Variants in WWC2 observed in about 807,000 individuals in gnomAD.
WWC2 encodes the protein protein WWC2.
In WWC2, 101 loss-of-function variants were observed where a neutral mutation model predicts 138.5. The ratio of observed to expected loss-of-function variants is 0.73; its 90% CI spans 0.62 to 0.86. The LOEUF is 0.86. WWC2 is among the 40% of genes least tolerant of loss of function. The probability of loss-of-function intolerance (pLI) is 0.00; values close to 1 mark genes in which losing one functional copy is unlikely to be tolerated. For synonymous variants in WWC2, 558 were observed against 538.4 expected (o/e 1.04, Z -0.50); for missense variants, 1,420 against 1,419.4 (o/e 1.00, Z -0.01).
chr4:183,313,038 C>G (rs1285728302), intron 22 of WWC2, among the ~76,000 whole-genome samples: 1 of 152,120 alleles, frequency 6.6e-6, no homozygotes, highest in Non-Finnish European at 1.5e-5. Flanking sequence ...CGGGCACCAG[C>G]AGAGGAGATT....
intron 1 of WWC2, among the ~76,000 whole-genome samples, chr4:183,103,998 C>T (rs939051744): frequency 1.1e-4 from 17 of 151,176 alleles, no homozygotes; most frequent in African/African-American, 3.7e-4. Context: ...CTCACATTGT[C>T]GCCCAGGCTA....
Position 183,319,512 on chromosome 4 carries a change from T to C in WWC2, c.*3783T>C. ...GCGGGACATCCTACCAAATCCAGTG[T>C]TGAGCAAGCGTCTCCTGAACAGCAG... On this transcript the variant is annotated 3_prime_UTR_variant, in exon 23 of 23. Transcript: ENST00000403733. The C allele has an allele frequency of 2.6e-6, 4 of 1,536,446 alleles. No homozygotes were observed. Among genetic ancestry groups the C allele is most frequent in the Non-Finnish European group, 3.5e-6 (4 of 1,141,780 alleles).
intron 2 of WWC2, among the ~76,000 whole-genome samples, chr4:183,204,264 A>G (rs886527686): frequency 6.6e-6 from 1 of 152,218 alleles, no homozygotes; most frequent in Non-Finnish European, 1.5e-5. Flanking sequence ...GCAGTCAGAC[A>G]TCCATCAACA....
intron 1 of WWC2, among the ~76,000 whole-genome samples, chr4:183,118,172 C>T (rs528028712): frequency 3.3e-5 from 5 of 152,230 alleles, no homozygotes; most frequent in African/African-American, 7.2e-5. Context: ...TTCTTTCAGT[C>T]GATTGCCACG....
intron 4 of WWC2, among the ~76,000 whole-genome samples, chr4:183,234,821 C>T (rs1178595933): frequency 2.6e-5 from 4 of 152,156 alleles, no homozygotes; most frequent in Non-Finnish European, 5.9e-5. Context: ...GTAGAGTCTA[C>T]ATTGTGCTAA....
chr4:183,222,028 C>T (rs1580073601), intron 4 of WWC2, among the ~76,000 whole-genome samples: 1 of 152,060 alleles, frequency 6.6e-6, no homozygotes, highest in African/African-American at 2.4e-5. Flanking sequence ...AATGGATAAA[C>T]AAATTGTGAT....
At chr4:183,104,820 T>A (rs757893806) in intron 1 of WWC2, among the ~76,000 whole-genome samples, 14 of 152,176 alleles carry the variant, frequency 9.2e-5, no homozygotes, top group Admixed American at 2.0e-4. Context: ...GTCTAAGAGT[T>A]CTCCAGTGAC....
intron 1 of WWC2, among the ~76,000 whole-genome samples, chr4:183,185,105 T>G (rs1478675060): frequency 6.6e-6 from 1 of 151,900 alleles, no homozygotes; most frequent in Non-Finnish European, 1.5e-5. Context: ...CCTCAGAACT[T>G]AGAGATGTAA....
At chr4:183,142,188 T>G (rs1440507696) in intron 1 of WWC2, among the ~76,000 whole-genome samples, 1 of 152,192 alleles carries the variant, frequency 6.6e-6, no homozygotes, top group African/African-American at 2.4e-5. Context: ...TGGGATATTC[T>G]TGACAAGTAG....
In WWC2 at chr4:183,261,362, A is replaced by G; in HGVS notation, c.1739A>G (p.Gln580Arg). The G allele has an allele frequency of 1.9e-6, 3 of 1,613,284 alleles. No homozygotes were observed. The highest frequency in any genetic ancestry group is 1.1e-5 in the South Asian group (1 of 90,776). ...TCTTCTCATGATGCCTCTCTCCATC[A>G]GTTCACTGCTGACTTTGAAGACTGT... ...MSSSHDASLHQFTADFEDCEL... is the reference protein window; with the variant it reads ...MSSSHDASLHRFTADFEDCEL... The change falls in exon 11 of 23, where the codon CAG (glutamine) becomes CGG (arginine). Residue 580 changes from glutamine (Q) to arginine (R), a missense_variant. Coordinates refer to ENST00000403733, the MANE Select transcript of WWC2 (RefSeq NM_024949.6).
At chr4:183,244,870 C>T (rs1340315872) in intron 5 of WWC2, among the ~76,000 whole-genome samples, 1 of 152,042 alleles carries the variant, frequency 6.6e-6, no homozygotes, top group African/African-American at 2.4e-5. Flanking sequence ...GCAGTGGGAT[C>T]ATTCAAACAG....
chr4:183,206,406 C>A (rs1433611508), intron 2 of WWC2, among the ~76,000 whole-genome samples: 1 of 152,046 alleles, frequency 6.6e-6, no homozygotes, highest in Non-Finnish European at 1.5e-5. Context: ...GGAGTGGGGT[C>A]CACTCGGATA....
intron 21 of WWC2, among the ~76,000 whole-genome samples, chr4:183,300,177 C>G (rs1242410298): frequency 6.6e-6 from 1 of 152,038 alleles, no homozygotes; most frequent in Non-Finnish European, 1.5e-5. Flanking sequence ...ATCATGTAAA[C>G]TGGAGGTGAA....
chr4:183,285,992 C>T lies in WWC2; in HGVS notation c.3074C>T (p.Ser1025Leu). The T allele has an allele frequency of 6.3e-7, 1 of 1,594,138 alleles. No individual in the cohort carries two copies. Among genetic ancestry groups the T allele is most frequent in the Non-Finnish European group, 8.6e-7 (1 of 1,169,200 alleles). ...TTAAATCGGAGTGACAGTGACAGTT[C>T]AACCCTGGCTAAAAAATCACTGTTT... ...CRLNRSDSDS[S>L]TLAKKSLFVR... Residue 1025 changes from serine to leucine, a missense_variant, in exon 20 of 23, where the codon TCA (serine) becomes TTA (leucine). Physicochemically the swap from Ser to Leu is moderately radical, Grantham distance 145 (BLOSUM62 -2). Transcript: ENST00000403733.
In WWC2 at chr4:183,282,703, C is replaced by A; in HGVS notation, c.2685-5C>A. 6.4e-7 allele frequency: 1 copy of A among 1,561,966 alleles called. No individual in the cohort carries two copies. Among genetic ancestry groups the A allele is most frequent in the East Asian group, 2.4e-5 (1 of 42,036 alleles). ...CAAAAGTGTTTTGTTTTTGTTTTAC[C>A]ATAGGCTAACAATGCTAAGAGAGGC... On this transcript the variant is annotated splice_region_variant and splice_polypyrimidine_tract_variant and intron_variant, in intron 17 of 22. Coordinates refer to ENST00000403733, the MANE Select transcript of WWC2 (RefSeq NM_024949.6).
chr4:183,141,249 TC>T (rs1188216870), intron 1 of WWC2, among the ~76,000 whole-genome samples: 17 of 152,168 alleles, frequency 1.1e-4, no homozygotes, highest in Admixed American at 1.1e-3. Flanking sequence ...AAGGCTCTCT[TC>T]CTGGCTTGCA....
At chr4:183,140,136 G>A (rs1260049162) in intron 1 of WWC2, among the ~76,000 whole-genome samples, 3 of 152,154 alleles carry the variant, frequency 2.0e-5, no homozygotes, top group Admixed American at 6.6e-5. Context: ...GTTTACTGCT[G>A]CATCGCTGGT....
rs555203905 is a variant in WWC2, at chr4:183,156,902, C to T, written c.132-36697C>T. On this transcript the variant is annotated intron_variant, in intron 1 of 22. Transcript: ENST00000403733. ...TCTCTCTCTCGCCCTCTTTCCTTCCCGCCCTTTATACACACACATACATCT... is the reference window on the plus strand; with the variant it reads ...TCTCTCTCTCGCCCTCTTTCCTTCCTGCCCTTTATACACACACATACATCT... Among the ~76,000 whole-genome samples the T allele has an allele frequency of 4.3e-4, 66 of 152,254 alleles. 1 individual carries two copies. Among genetic ancestry groups the T allele is most frequent in the Admixed American group, 3.7e-3 (56 of 15,296 alleles).
chr4:183,245,404 C>G lies in WWC2; in HGVS notation c.603-12C>G. On this transcript the variant is annotated splice_polypyrimidine_tract_variant and intron_variant, in intron 5 of 22. Coordinates refer to ENST00000403733, the MANE Select transcript of WWC2 (RefSeq NM_024949.6). Reference sequence around the variant, plus strand: ...TCTTTGATATTTTTTCTTTCTTTTTCTCTTTTCACAGAATTGATAAAAAAA... The same window carrying G: ...TCTTTGATATTTTTTCTTTCTTTTTGTCTTTTCACAGAATTGATAAAAAAA... 6.6e-7 allele frequency: 1 copy of G among 1,514,108 alleles called. No individual in the cohort carries two copies. Among genetic ancestry groups the G allele is most frequent in the East Asian group, 2.4e-5 (1 of 41,162 alleles). The allele number at this position is 1,514,108 out of a possible 1,614,324, so 93.8% of individuals were successfully genotyped here. A position where few individuals can be genotyped will look rare whatever the true frequency, so the allele number is the denominator to read the frequency against.
Sources: allele counts gnomAD v4.1 joint callset (sites outside exome capture counted in the v4.1 genomes callset), GRCh38; gene constraint gnomAD v4.1.1; transcripts MANE v1.5; gene names NCBI Gene and HGNC (gene_info 2026-07-23, HGNC 2026-07-21).